The following GLIS1 variants were observed in gnomAD, a reference collection of about 807,000 sequenced individuals.
GLIS1 encodes GLIS family zinc finger 1.
GLIS1 carries 24 observed loss-of-function variants against 63.8 expected under a neutral mutation model. The ratio of observed to expected loss-of-function variants is 0.38; its 90% CI spans 0.27 to 0.53. The LOEUF is 0.53. Ranked by LOEUF, GLIS1 falls within the 20% of genes least tolerant of loss-of-function variation. The pLI, the probability that GLIS1 is intolerant of heterozygous loss-of-function variation, is 0.85. For synonymous variants in GLIS1, 450 were observed against 482.5 expected (o/e 0.93, Z 0.88); for missense variants, 1,036 against 1,074.1 (o/e 0.96, Z 0.50).
chr1:53,519,519 G>A (rs965047875), intron 7 of GLIS1, among the ~76,000 whole-genome samples: 12 of 152,234 alleles, frequency 7.9e-5, no homozygotes, highest in Non-Finnish European at 1.5e-4. Context: ...TGATACTGTG[G>A]TTTCTTTAGG....
intron 4 of GLIS1, among the ~76,000 whole-genome samples, chr1:53,555,133 C>A (rs1276266148): frequency 6.6e-6 from 1 of 152,228 alleles, no homozygotes; most frequent in Non-Finnish European, 1.5e-5. Context: ...GGCGACATCG[C>A]CGCTCCCTTA....
rs548907426 is a variant in GLIS1 at position 53,512,891 on chromosome 1, T to G, written c.1883+1734A>C. Reference sequence around the variant, plus strand: ...TGGGTGAGCAGGTGGCCTGAGCAGCTATGGGTGGGGGCGGGGACCATCGTA... The same window carrying G: ...TGGGTGAGCAGGTGGCCTGAGCAGCGATGGGTGGGGGCGGGGACCATCGTA... On this transcript the variant is annotated intron_variant, in intron 8 of 10. Coordinates refer to ENST00000628545, the MANE Select transcript of GLIS1 (RefSeq NM_001367484.1). Among the ~76,000 whole-genome samples the G allele has an allele frequency of 1.3e-5, 2 of 151,890 alleles. 1 individual carries two copies. The highest frequency in any genetic ancestry group is 4.1e-4 in the South Asian group (2 of 4,824).
At position 53,725,215 on chromosome 1, in the gene GLIS1, C is replaced by A. The variant is rs573532187; in HGVS notation, c.259+12591G>T. Among the ~76,000 whole-genome samples the A allele has an allele frequency of 2.6e-5, 4 of 152,300 alleles. No homozygotes were observed. The South Asian group carries it at 8.3e-4, about 32-fold the overall frequency. ...AAGCTTAAGCCACCAGAATCGGCAA[C>A]AGGTACAAGAAAAGGGCTGCCCAAA... On this transcript the variant is annotated intron_variant, in intron 2 of 10. Coordinates refer to ENST00000628545, the MANE Select transcript of GLIS1 (RefSeq NM_001367484.1).
At position 53,594,583 on chromosome 1, in the gene GLIS1, G is replaced by A. The variant is rs745533835; in HGVS notation, c.845C>T (p.Pro282Leu). 1 of 1,592,878 alleles carries A rather than the reference G, an allele frequency of 6.3e-7. No homozygotes were observed. Among genetic ancestry groups the A allele is most frequent in the Non-Finnish European group, 8.6e-7 (1 of 1,166,120 alleles). The change falls in exon 4 of 11, where the codon CCC becomes CTC. Residue 282 changes from proline to leucine, a missense_variant. Pro to Leu is a moderately conservative substitution (Grantham distance 98). Transcript: ENST00000628545. Reference protein sequence around the residue: ...LVTCVNGLRSPPLTGDLGGPS... With the variant: ...LVTCVNGLRSLPLTGDLGGPS... The stretch of plus-strand genomic sequence containing the variant: ...GCCCCCCAGATCTCCCGTCAGAGGG[G>A]GGCTCCGGAGTCCATTTACACAGGT...
At chr1:53,562,537 G>T (rs928480386) in intron 4 of GLIS1, among the ~76,000 whole-genome samples, 4 of 152,134 alleles carry the variant, frequency 2.6e-5, no homozygotes, top group South Asian at 4.2e-4. Context: ...ACATCACCTC[G>T]CAAGAGCCTG....
rs1482462174 is a variant in GLIS1, at chr1:53,646,566, T to G, written c.260-46288A>C. On this transcript the variant is annotated intron_variant, in intron 2 of 10. Transcript: ENST00000628545. The surrounding 1 kb of genome is among the most constrained non-coding windows in gnomAD (Gnocchi z 4.2). ...GGCTCACACCTGTAATTCCAGCGCT[T>G]TGGGAGGCTAAGGTGGGTGGATCAG... Among the ~76,000 whole-genome samples, 2 of 152,136 alleles carry G rather than the reference T, an allele frequency of 1.3e-5. No homozygotes were observed. The highest frequency in any genetic ancestry group is 2.9e-5 in the Non-Finnish European group (2 of 68,018).
rs140822140 is a variant in GLIS1 at position 53,732,290 on chromosome 1, G to C, written c.259+5516C>G. ...GTGACTTTCAACTCTGAGACCACTGGGTTAGGGTTGTATTCTCTCCACCCC... is the reference window on the plus strand; with the variant it reads ...GTGACTTTCAACTCTGAGACCACTGCGTTAGGGTTGTATTCTCTCCACCCC... On this transcript the variant is annotated intron_variant, in intron 2 of 10. Transcript: ENST00000628545. 5.7e-4 allele frequency among the ~76,000 whole-genome samples: 86 copies of C among 152,112 alleles called. 1 individual carries two copies. Among genetic ancestry groups the C allele is most frequent in the African/African-American group, 2.0e-3 (81 of 41,374 alleles).
intron 2 of GLIS1, chr1:53,734,177 A>G: frequency 3.0e-6 from 3 of 985,198 alleles, no homozygotes; most frequent in Non-Finnish European, 3.6e-6. Flanking sequence ...TTTTATTGCA[A>G]GGATGCATCC....
Sources: allele counts gnomAD v4.1 joint callset (sites outside exome capture counted in the v4.1 genomes callset), GRCh38; gene constraint gnomAD v4.1.1; non-coding constraint Gnocchi (gnomAD v3.1); transcripts MANE v1.5; gene names NCBI Gene and HGNC (gene_info 2026-07-23, HGNC 2026-07-21).